Variants in ARHGAP42 observed in about 807,000 individuals in gnomAD.
ARHGAP42 encodes rho GTPase-activating protein 42.
In ARHGAP42, 63 loss-of-function variants were observed where a neutral mutation model predicts 125.0. That is an observed-to-expected ratio of 0.50 (90% CI 0.41 to 0.62). ARHGAP42 has a LOEUF of 0.62. Ranked by LOEUF, ARHGAP42 falls within the 20% of genes least tolerant of loss-of-function variation. The pLI, the probability that ARHGAP42 is intolerant of heterozygous loss-of-function variation, is 0.00. For synonymous variants in ARHGAP42, 339 were observed against 351.0 expected (o/e 0.97, Z 0.38); for missense variants, 766 against 1,024.2 (o/e 0.75, Z 3.44).
intron 4 of ARHGAP42, among the ~76,000 whole-genome samples, chr11:100,861,350 T>G (rs1307216467): frequency 1.3e-5 from 2 of 152,180 alleles, no homozygotes; most frequent in Non-Finnish European, 2.9e-5. Context: ...TGCAGCTTTA[T>G]AAATGACTCA....
intron 4 of ARHGAP42, among the ~76,000 whole-genome samples, chr11:100,880,781 TG>T (rs1340643244): frequency 2.0e-5 from 3 of 152,338 alleles, no homozygotes; most frequent in South Asian, 2.1e-4. Context: ...TTTTTGATTG[TG>T]TCCATTCTTG....
intron 12 of ARHGAP42, among the ~76,000 whole-genome samples, chr11:100,951,488 A>G (rs530260862): frequency 6.6e-6 from 1 of 152,270 alleles, no homozygotes; most frequent in East Asian, 1.9e-4. Flanking sequence ...TTGATTGTTG[A>G]TATGCACTAT....
intron 2 of ARHGAP42, among the ~76,000 whole-genome samples, chr11:100,781,079 G>A (rs770587848): frequency 2.0e-4 from 31 of 151,970 alleles, no homozygotes; most frequent in Non-Finnish European, 1.3e-4. Flanking sequence ...TTTTCTTTGT[G>A]GAGTTTCTCT....
At chr11:100,758,528 G>T (rs1257222053) in intron 1 of ARHGAP42, among the ~76,000 whole-genome samples, 4 of 152,148 alleles carry the variant, frequency 2.6e-5, no homozygotes, top group African/African-American at 9.7e-5. Context: ...TTGACTGGCA[G>T]GCACTGTGGC....
At chr11:100,845,392 G>T (rs1865041155) in intron 3 of ARHGAP42, among the ~76,000 whole-genome samples, 1 of 152,016 alleles carries the variant, frequency 6.6e-6, no homozygotes, top group Admixed American at 6.6e-5. Context: ...CTACAAACTG[G>T]ATACAGTGTA....
chr11:100,935,185 G>T (rs1867700095), intron 7 of ARHGAP42, among the ~76,000 whole-genome samples: 1 of 151,804 alleles, frequency 6.6e-6, no homozygotes, highest in Non-Finnish European at 1.5e-5. Flanking sequence ...AGGTGGTAGT[G>T]ATTATTGTAT....
intron 3 of ARHGAP42, among the ~76,000 whole-genome samples, chr11:100,820,377 A>G (rs545257674): frequency 1.3e-5 from 2 of 152,280 alleles, no homozygotes; most frequent in African/African-American, 4.8e-5. Context: ...TGTCAGTTGC[A>G]GAACATTGTT....
intron 1 of ARHGAP42, among the ~76,000 whole-genome samples, chr11:100,714,684 C>T (rs982428726): frequency 6.6e-6 from 1 of 152,106 alleles, no homozygotes; most frequent in Non-Finnish European, 1.5e-5. Context: ...TCTTTTTGGT[C>T]AGGCTTTTCC....
intron 4 of ARHGAP42, among the ~76,000 whole-genome samples, chr11:100,903,583 CT>C (rs1386486596): frequency 6.6e-6 from 1 of 151,378 alleles, no homozygotes; most frequent in Non-Finnish European, 1.5e-5. Context: ...ACTCCACACA[CT>C]GTCTGCCTCC....
At chr11:100,986,019 A>G (rs939903526) in intron 22 of ARHGAP42, 5 of 456,528 alleles carry the variant, frequency 1.1e-5, no homozygotes, top group Non-Finnish European at 2.2e-5. Context: ...AAAAAGACTC[A>G]TCATGTAGAA....
chr11:100,705,017 A>ACAAC (rs61338891), intron 1 of ARHGAP42, among the ~76,000 whole-genome samples: 8,461 of 125,752 alleles, frequency 0.067, 202 homozygotes, highest in East Asian at 0.15. Flanking sequence ...CAACAACAAA[A>ACAAC]AAAAAAAAAA....
chr11:100,856,546 A>G (rs1865326733), intron 3 of ARHGAP42, among the ~76,000 whole-genome samples: 1 of 152,042 alleles, frequency 6.6e-6, no homozygotes, highest in Non-Finnish European at 1.5e-5. Flanking sequence ...AAATTTACAT[A>G]TTGTGAACAG....
intron 4 of ARHGAP42, among the ~76,000 whole-genome samples, chr11:100,881,828 TTTTTG>T (rs1464595851): frequency 1.4e-5 from 2 of 147,518 alleles, no homozygotes; most frequent in African/African-American, 5.0e-5. Flanking sequence ...GTTTTGTTAG[TTTTTG>T]TTTGTTTGTT....
intron 4 of ARHGAP42, among the ~76,000 whole-genome samples, chr11:100,897,394 G>C (rs1591276918): frequency 6.6e-6 from 1 of 152,186 alleles, no homozygotes; most frequent in East Asian, 1.9e-4. Flanking sequence ...TTGGTAGCTT[G>C]ATGGGGATGG....
chr11:100,853,031 A>T (rs1289937465), intron 3 of ARHGAP42, among the ~76,000 whole-genome samples: 1 of 152,240 alleles, frequency 6.6e-6, no homozygotes, highest in Non-Finnish European at 1.5e-5. Flanking sequence ...GTTCTGAATG[A>T]CATAATTTAA....
chr11:100,974,760 G>T (rs184390309), intron 19 of ARHGAP42, among the ~76,000 whole-genome samples, 157 bp downstream of exon 19: 1 of 152,022 alleles, frequency 6.6e-6, no homozygotes. Context: ...GTCAATAGTT[G>T]TACAGTTGCT....
At chr11:100,964,183 G>C (rs1011644466) in intron 16 of ARHGAP42, among the ~76,000 whole-genome samples, 1 of 152,126 alleles carries the variant, frequency 6.6e-6, no homozygotes, top group Admixed American at 6.6e-5. Context: ...CAGATCCTAA[G>C]AGATATTTCA....
At chr11:100,855,917 TA>T (rs1336245058) in intron 3 of ARHGAP42, among the ~76,000 whole-genome samples, 6 of 152,146 alleles carry the variant, frequency 3.9e-5, no homozygotes, top group Admixed American at 3.9e-4. Context: ...CTAGTAATTA[TA>T]AGTTAATTGT....
chr11:100,911,720 A>G (rs913241469), intron 4 of ARHGAP42, among the ~76,000 whole-genome samples: 3 of 152,160 alleles, frequency 2.0e-5, no homozygotes, highest in African/African-American at 7.2e-5. Context: ...GGAGAGGACT[A>G]GCCTCTCTAT....
Sources: gnomAD v4.1 joint callset for allele counts (sites outside exome capture counted in the v4.1 genomes callset) on GRCh38, gnomAD v4.1.1 for gene constraint, MANE v1.5 for transcripts, NCBI Gene and HGNC (gene_info 2026-07-23, HGNC 2026-07-21) for gene names.